Variants in COL6A2 observed in about 807,000 individuals in gnomAD.
COL6A2 encodes the protein collagen type VI alpha 2 chain, also known as collagen alpha-2(VI) chain.
COL6A2 carries 90 observed loss-of-function variants against 124.9 expected under a neutral mutation model. The observed-to-expected ratio is 0.72, with a 90% CI of 0.61 to 0.86. The LOEUF (loss-of-function observed/expected upper bound fraction) is 0.86, where lower values mean the gene tolerates loss of function less well. Ranked by LOEUF, COL6A2 falls within the 40% of genes least tolerant of loss-of-function variation. COL6A2 has a pLI of 0.00. For synonymous variants in COL6A2, 793 were observed against 618.2 expected (o/e 1.28, Z -4.19); for missense variants, 1,607 against 1,502.5 (o/e 1.07, Z -1.15).
chr21:46,116,526 C>T lies in COL6A2; in HGVS notation c.927+123C>T. 2 of 1,575,326 alleles carry T rather than the reference C, an allele frequency of 1.3e-6. No individual in the cohort carries two copies. The highest frequency in any genetic ancestry group is 1.3e-5 in the African/African-American group (1 of 74,274). On this transcript the variant is annotated intron_variant, in intron 8 of 27. Coordinates refer to ENST00000300527, the MANE Select transcript of COL6A2 (RefSeq NM_001849.4). The surrounding 1 kb of genome is among the most constrained non-coding windows in gnomAD (Gnocchi z 4.6). ...CGGCCTGGTCTTTTCTCAGTGGTGG[C>T]TTTGGGGGCTCCTGGGGGGTCCTGT...
At chr21:46,124,190 ATGGATGGGTTAGTGGG>A (rs1373257224) in intron 21 of COL6A2, among the ~76,000 whole-genome samples, 3 of 148,366 alleles carry the variant, frequency 2.0e-5, no homozygotes, top group Non-Finnish European at 3.0e-5. Flanking sequence ...GGGTGGATGA[ATGGATGGGTTAGTGGG>A]TGGCTGGGTG....
intron 12 of COL6A2, 140 bp from the exon 13 acceptor site, chr21:46,118,474 C>A: frequency 1.3e-6 from 1 of 766,542 alleles, no homozygotes; most frequent in South Asian, 1.6e-5. Flanking sequence ...CCCCAGCCAG[C>A]ATCTGGCATC....
chr21:46,128,469 T>C (rs1193003498), intron 27 of COL6A2, among the ~76,000 whole-genome samples: 1 of 144,038 alleles, frequency 6.9e-6, no homozygotes, highest in African/African-American at 2.5e-5. Context: ...GGGCACTGGG[T>C]GGACACCACT....
intron 27 of COL6A2, among the ~76,000 whole-genome samples, chr21:46,130,112 G>A (rs577105624): frequency 6.6e-6 from 1 of 152,326 alleles, no homozygotes; most frequent in African/African-American, 2.4e-5. Context: ...GCAGCAGATA[G>A]TCCTGGGGGA....
At chr21:46,119,936 G>A in intron 15 of COL6A2, 86 bp downstream of exon 15, 1 of 1,195,790 alleles carries the variant, frequency 8.4e-7, no homozygotes, top group South Asian at 1.3e-5. Context: ...ATTCCTCCCA[G>A]AGAACAACAG....
rs778364096 is a variant in COL6A2, at chr21:46,122,514, G to A, written c.1591G>A (p.Gly531Ser). ...RGAPGEKGEPGPRGPEGGRGD... is the reference protein window; with the variant it reads ...RGAPGEKGEPSPRGPEGGRGD... ...TTCACAGGGAGAAAAAGGCGAGCCC[G>A]GCCCACGCGGCCCCGAGGTATGTGT... The change falls in exon 20 of 28, where the codon GGC becomes AGC. Residue 531 changes from glycine (G) to serine (S), a missense_variant. By Grantham distance (56) the Gly-to-Ser change is moderately conservative. Coordinates refer to ENST00000300527, the MANE Select transcript of COL6A2 (RefSeq NM_001849.4). The A allele has an allele frequency of 3.1e-6, 5 of 1,612,628 alleles. No individual in the cohort carries two copies. The highest frequency in any genetic ancestry group is 2.7e-5 in the African/African-American group (2 of 74,892).
rs745704771 is a variant in COL6A2, at chr21:46,122,874, G to A, written c.1609-1G>A. 6.2e-7 allele frequency: 1 copy of A among 1,613,272 alleles called. No homozygotes were observed. Among genetic ancestry groups the A allele is most frequent in the South Asian group, 1.1e-5 (1 of 91,080 alleles). Reference sequence around the variant, plus strand: ...AGGCTAACATGTGTTCCCTGTCACAGGGAGGCCGAGGCGACTTTGGCTTGA... The same window carrying A: ...AGGCTAACATGTGTTCCCTGTCACAAGGAGGCCGAGGCGACTTTGGCTTGA... On this transcript the variant is annotated splice_acceptor_variant, in intron 20 of 27. Coordinates refer to ENST00000300527, the MANE Select transcript of COL6A2 (RefSeq NM_001849.4). LOFTEE classifies it high-confidence loss of function.
chr21:46,131,105 A>C (rs959939831), intron 27 of COL6A2, among the ~76,000 whole-genome samples: 3 of 152,236 alleles, frequency 2.0e-5, no homozygotes, highest in African/African-American at 4.8e-5. Flanking sequence ...TTGGGCTGAG[A>C]AGCAGACACC....
rs907407657 is a variant in COL6A2, at chr21:46,132,614, G to A, written c.*62G>A. The A allele has an allele frequency of 2.2e-5, 33 of 1,476,704 alleles. No individual in the cohort carries two copies. The highest frequency in any genetic ancestry group is 3.0e-5 in the Non-Finnish European group (33 of 1,090,050). The allele number at this position is 1,476,704 out of a possible 1,614,324, so 91.5% of individuals were successfully genotyped here. A position where few individuals can be genotyped will look rare whatever the true frequency, so the allele number is the denominator to read the frequency against. On this transcript the variant is annotated 3_prime_UTR_variant, in exon 28 of 28. Coordinates refer to ENST00000300527, the MANE Select transcript of COL6A2 (RefSeq NM_001849.4). ...CCCACCCCGTCCATGGTGCTAAGCG[G>A]GCCCGGGTCCCACACGGCCAGCACC...
At position 46,116,955 on chromosome 21, in the gene COL6A2, A is replaced by ACACG. The variant is rs1491080774; in HGVS notation, c.999+142_999+143insACGC. On this transcript the variant is annotated intron_variant, in intron 10 of 27. Coordinates refer to ENST00000300527, the MANE Select transcript of COL6A2 (RefSeq NM_001849.4). The surrounding 1 kb of genome is among the most constrained non-coding windows in gnomAD (Gnocchi z 4.6). ...CACACACACACACACACACACACAC[A>ACACG]CGAACTTCAGCTCCTGCCACATCCC... The ACACG allele has an allele frequency of 4.9e-6, 4 of 814,768 alleles. No homozygotes were observed. The highest frequency in any genetic ancestry group is 7.9e-6 in the Non-Finnish European group (4 of 508,978). 50.5% of individuals were successfully genotyped at this position (814,768 alleles called of 1,614,324 possible).
chr21:46,109,723 G>C (rs2078374390), intron 1 of COL6A2, among the ~76,000 whole-genome samples: 1 of 152,048 alleles, frequency 6.6e-6, no homozygotes, highest in Non-Finnish European at 1.5e-5. Flanking sequence ...CAGTGCCCAG[G>C]CTCAGCCCCA....
intron 11 of COL6A2, chr21:46,117,671 T>C: frequency 1.3e-6 from 1 of 749,228 alleles, no homozygotes; most frequent in East Asian, 2.7e-5. Context: ...GGAGACCTGA[T>C]GCATCCCAAA....
intron 27 of COL6A2, among the ~76,000 whole-genome samples, chr21:46,130,295 G>C (rs747013804): frequency 3.9e-5 from 6 of 152,232 alleles, no homozygotes; most frequent in Admixed American, 2.0e-4. Context: ...CAACCTCTGC[G>C]GTCCTCAGAG....
rs774611719 is a variant in COL6A2 at position 46,125,899 on chromosome 21, A to C, written c.2084A>C (p.Glu695Ala). ...SSFKEAVKNLEWIAGGTWTPS... is the reference protein window; with the variant it reads ...SSFKEAVKNLAWIAGGTWTPS... ...TTCAAGGAGGCTGTCAAGAACCTCG[A>C]GTGGATTGCGGGCGGCACCTGGACA... The change falls in exon 26 of 28, where the codon GAG becomes GCG. Residue 695 changes from glutamate to alanine, a missense_variant. Transcript: ENST00000300527. 2.1e-5 allele frequency: 34 copies of C among 1,613,038 alleles called. No individual in the cohort carries two copies. Among genetic ancestry groups the C allele is most frequent in the Non-Finnish European group, 2.7e-5 (32 of 1,179,988 alleles).
intron 1 of COL6A2, among the ~76,000 whole-genome samples, chr21:46,110,805 C>T (rs2078388125): frequency 6.6e-6 from 1 of 152,264 alleles, no homozygotes; most frequent in South Asian, 2.1e-4. Flanking sequence ...CTGATGGCCT[C>T]CTGGAGCTGG....
chr21:46,124,469 C>T (rs1484420669), intron 21 of COL6A2, among the ~76,000 whole-genome samples, 182 bp from the exon 22 acceptor site: 2 of 152,120 alleles, frequency 1.3e-5, no homozygotes, highest in East Asian at 1.9e-4. Flanking sequence ...CACTCATGGC[C>T]TTTCTAGCTC....
At chr21:46,128,484 G>GTGGCCTGGCCGTGGCCTGGCCC (rs2078708481) in intron 27 of COL6A2, among the ~76,000 whole-genome samples, 1 of 151,708 alleles carries the variant, frequency 6.6e-6, no homozygotes, top group African/African-American at 2.4e-5. Flanking sequence ...ACCACTGGCT[G>GTGGCCTGGCCGTGGCCTGGCCC]TGGCCTGGCC....
At position 46,122,811 on chromosome 21, in the gene COL6A2, C is replaced by T. The variant is rs1030591046; in HGVS notation, c.1609-64C>T. 2.3e-5 allele frequency: 35 copies of T among 1,500,524 alleles called. No homozygotes were observed. The Middle Eastern group carries it at 5.1e-4, about 22-fold the overall frequency. 93.0% of individuals were successfully genotyped at this position (1,500,524 alleles called of 1,614,324 possible). A position where few individuals can be genotyped will look rare whatever the true frequency, so the allele number is the denominator to read the frequency against. ...CAGATCGATTTTTCCACATAAAAAT[C>T]TCACTGGTGTCCCTGGTAGAGACAG... is the stretch of plus-strand genomic sequence containing the variant. On this transcript the variant is annotated intron_variant, in intron 20 of 27. Transcript: ENST00000300527.
intron 1 of COL6A2, among the ~76,000 whole-genome samples, chr21:46,106,891 A>G (rs957764549): frequency 2.5e-4 from 38 of 152,310 alleles, no homozygotes; most frequent in African/African-American, 8.9e-4. Context: ...TAAAACTTGG[A>G]TTCATTTTGC....
Sources: allele counts gnomAD v4.1 joint callset (sites outside exome capture counted in the v4.1 genomes callset), GRCh38; gene constraint gnomAD v4.1.1; non-coding constraint Gnocchi (gnomAD v3.1); transcripts MANE v1.5; gene names NCBI Gene and HGNC (gene_info 2026-07-23, HGNC 2026-07-21).